ZNF697: variants seen among roughly 807,000 people sequenced by gnomAD.
The protein encoded by ZNF697 is zinc finger protein 697.
A neutral mutation model predicts 32.4 loss-of-function variants in ZNF697; 23 were observed. That is an observed-to-expected ratio of 0.71 (90% CI 0.51 to 1.01). The LOEUF (loss-of-function observed/expected upper bound fraction) is 1.01, where lower values mean the gene tolerates loss of function less well. Ranked by LOEUF, ZNF697 falls within the 50% of genes least tolerant of loss-of-function variation. The pLI, the probability that ZNF697 is intolerant of heterozygous loss-of-function variation, is 0.00. For synonymous variants in ZNF697, 418 were observed against 337.2 expected, an observed-to-expected ratio of 1.24 and a Z score of -2.62; for missense variants, 930 against 794.0, an observed-to-expected ratio of 1.17 and a Z score of -2.06.
At position 119,623,020 on chromosome 1, in the gene ZNF697, C is replaced by T; in HGVS notation, c.1323G>A (p.Glu441=). The change falls in exon 3 of 3, where the codon GAG becomes GAA. Residue 441 remains glutamate (E), a synonymous_variant. Transcript: ENST00000421812. ...AGTTACGCCCGAAGCCCTTCCCGCA[C>T]TCGCGGCACACGTAGGGCCGCTCAC... is the stretch of plus-strand genomic sequence containing the variant. ...HSGERPYVCR[E]CGKGFGRNSH... is the part of the protein sequence containing the mutation. The T allele has an allele frequency of 6.3e-7, 1 of 1,589,428 alleles. No individual in the cohort carries two copies. Among genetic ancestry groups the T allele is most frequent in the African/African-American group, 1.3e-5 (1 of 74,500 alleles).
intron 1 of ZNF697, among the ~76,000 whole-genome samples, chr1:119,631,916 G>A (rs1411740265): frequency 6.6e-6 from 1 of 152,192 alleles, no homozygotes; most frequent in Non-Finnish European, 1.5e-5. Flanking sequence ...CCAAGGGAGC[G>A]CTTCCATAGC....
rs1648378448 is a variant in ZNF697 at position 119,622,724 on chromosome 1, T to C, written c.1619A>G (p.Gln540Arg). ...CAGCCCCTAACACAGGTGCAGCTTC[T>C]GGTGCTGCGCGAGGTGCGTTTTATA... is the stretch of plus-strand genomic sequence containing the variant. ...FRYKTHLAQH[Q>R]KLHLC Residue 540 changes from glutamine (Q) to arginine (R), a missense_variant, in exon 3 of 3, where the codon CAG (glutamine) becomes CGG (arginine). Gln to Arg is a conservative substitution (Grantham distance 43). Coordinates refer to ENST00000421812, the MANE Select transcript of ZNF697 (RefSeq NM_001080470.2). 3 of 1,544,936 alleles carry C rather than the reference T, an allele frequency of 1.9e-6. No individual in the cohort carries two copies. Among genetic ancestry groups the C allele is most frequent in the Non-Finnish European group, 2.6e-6 (3 of 1,143,216 alleles).
intron 1 of ZNF697, among the ~76,000 whole-genome samples, chr1:119,636,782 T>C (rs1648934578): frequency 6.6e-6 from 1 of 152,230 alleles, no homozygotes; most frequent in Non-Finnish European, 1.5e-5. Flanking sequence ...CCCTTGCTAC[T>C]CAATCCAACA....
rs1270236299 is a variant in ZNF697, at chr1:119,620,131, T to C, written c.*2574A>G. 2.0e-5 allele frequency: 3 copies of C among 152,644 alleles called. No homozygotes were observed. Among genetic ancestry groups the C allele is most frequent in the South Asian group, 2.1e-4 (1 of 4,830 alleles). The allele number at this position is 152,644 out of a possible 1,614,324, so 9.5% of individuals were successfully genotyped here. A position where few individuals can be genotyped will look rare whatever the true frequency, so the allele number is the denominator to read the frequency against. On this transcript the variant is annotated 3_prime_UTR_variant, in exon 3 of 3. Transcript: ENST00000421812. ...CACCAATAGAGTCGGGTGTTGGTAG[T>C]TGGATTGTTTTCTTCTGCTAAGAAT...
chr1:119,626,590 C>T (rs940630771), intron 1 of ZNF697, among the ~76,000 whole-genome samples: 3 of 152,228 alleles, frequency 2.0e-5, no homozygotes, highest in Middle Eastern at 3.2e-3. Flanking sequence ...TAAGCTTGCT[C>T]GCCTCCAGCC....
At position 119,622,594 on chromosome 1, in the gene ZNF697, C is replaced by T. The variant is rs1032755007; in HGVS notation, c.*111G>A. The T allele has an allele frequency of 2.1e-6, 3 of 1,425,186 alleles. No individual in the cohort carries two copies. Among genetic ancestry groups the T allele is most frequent in the Non-Finnish European group, 2.7e-6 (3 of 1,092,726 alleles). 88.3% of individuals were successfully genotyped at this position (1,425,186 alleles called of 1,614,324 possible). A position where few individuals can be genotyped will look rare whatever the true frequency, so the allele number is the denominator to read the frequency against. ...CCCCAAACACCAAAGGCTCCCCAGT[C>T]ACTCTCAGATTGTCCCTCCCGCCCC... On this transcript the variant is annotated 3_prime_UTR_variant, in exon 3 of 3. Transcript: ENST00000421812.
intron 1 of ZNF697, among the ~76,000 whole-genome samples, chr1:119,634,379 A>G (rs587672131): frequency 1.3e-5 from 2 of 152,342 alleles, no homozygotes; most frequent in Admixed American, 1.3e-4. Flanking sequence ...GTTCCAGCCC[A>G]GTGCATTTCA....
chr1:119,623,012 T>G lies in ZNF697; in HGVS notation c.1331A>C (p.Lys444Thr). The G allele has an allele frequency of 6.3e-7, 1 of 1,590,588 alleles. No homozygotes were observed. The highest frequency in any genetic ancestry group is 8.6e-7 in the Non-Finnish European group (1 of 1,166,550). The stretch of plus-strand genomic sequence containing the variant: ...CAGGTGCGAGTTACGCCCGAAGCCC[T>G]TCCCGCACTCGCGGCACACGTAGGG... ...ERPYVCRECG[K>T]GFGRNSHLVN... The change falls in exon 3 of 3, where the codon AAG (lysine) becomes ACG (threonine). Residue 444 changes from lysine (K) to threonine (T), a missense_variant. By Grantham distance (78) the Lys-to-Thr change is moderately conservative. Transcript: ENST00000421812.
chr1:119,631,181 G>A (rs1041179616), intron 1 of ZNF697, among the ~76,000 whole-genome samples: 2 of 152,198 alleles, frequency 1.3e-5, no homozygotes, highest in African/African-American at 2.4e-5. Flanking sequence ...AAGCAGGGGC[G>A]CAGCTGCCGC....
At chr1:119,642,061 G>A (rs756346798) in intron 1 of ZNF697, among the ~76,000 whole-genome samples, 7 of 152,140 alleles carry the variant, frequency 4.6e-5, no homozygotes, top group South Asian at 2.1e-4. Flanking sequence ...CTATCAAGGC[G>A]TGAAAAAACA....
intron 1 of ZNF697, among the ~76,000 whole-genome samples, chr1:119,631,478 C>A (rs1648767193): frequency 6.6e-6 from 1 of 152,242 alleles, no homozygotes; most frequent in Non-Finnish European, 1.5e-5. Flanking sequence ...TGGCCAAGCG[C>A]GTTAGGACTG....
chr1:119,630,224 G>T (rs1374539739), intron 1 of ZNF697, among the ~76,000 whole-genome samples: 3 of 152,354 alleles, frequency 2.0e-5, no homozygotes, highest in Admixed American at 1.3e-4. Context: ...TCCATGAGAA[G>T]GTTGGGTTTG....
At chr1:119,644,868 C>A (rs112363867) in intron 1 of ZNF697, among the ~76,000 whole-genome samples, 188 of 152,288 alleles carry the variant, frequency 1.2e-3, no homozygotes, top group African/African-American at 3.4e-3. Flanking sequence ...ACATTTTAAT[C>A]CTCATAGATT....
intron 1 of ZNF697, among the ~76,000 whole-genome samples, chr1:119,635,404 C>T (rs1648893839): frequency 6.6e-6 from 1 of 152,176 alleles, no homozygotes; most frequent in African/African-American, 2.4e-5. Flanking sequence ...AAAGGAATAG[C>T]TGTTATGTTC....
rs587608239 is a variant in ZNF697, at chr1:119,624,961, C to T, written c.227-845G>A. Among the ~76,000 whole-genome samples, 3 of 123,828 alleles carry T rather than the reference C, an allele frequency of 2.4e-5. No homozygotes were observed. In the South Asian group the frequency reaches 7.6e-4, roughly 31 times the overall value. The allele number at this position is 123,828 out of a possible 152,430, so 81.2% of individuals were successfully genotyped here. A position where few individuals can be genotyped will look rare whatever the true frequency, so the allele number is the denominator to read the frequency against. On this transcript the variant is annotated intron_variant, in intron 2 of 2. Coordinates refer to ENST00000421812, the MANE Select transcript of ZNF697 (RefSeq NM_001080470.2). ...ATGATGGAACAAAAAACTGAACTCA[C>T]CTTCAGGACTTTGCTATGGGTGGGG...
At chr1:119,642,875 T>TTAA (rs755180188) in intron 1 of ZNF697, among the ~76,000 whole-genome samples, 1 of 129,644 alleles carries the variant, frequency 7.7e-6, no homozygotes, top group African/African-American at 3.0e-5. Flanking sequence ...TGCCTGAAGA[T>TTAA]TTTCAAAACT....
chr1:119,623,140 G>C lies in ZNF697; in HGVS notation c.1203C>G (p.Arg401=). 6 of 1,590,236 alleles carry C rather than the reference G, an allele frequency of 3.8e-6. No individual in the cohort carries two copies. Among genetic ancestry groups the C allele is most frequent in the Non-Finnish European group, 5.1e-6 (6 of 1,168,758 alleles). ...TGTAGGGCTTCTCGCCCGTGTGCAC[G>C]CGCTGGTGCTTCACCAAGTCCGAGC... ...SWRSDLVKHQ[R]VHTGEKPYMC... is the part of the protein sequence containing the mutation. The change falls in exon 3 of 3, where the codon CGC becomes CGG. Residue 401 remains arginine (R), a synonymous_variant. Transcript: ENST00000421812.
In ZNF697 at chr1:119,623,599, G is replaced by T. The variant is rs1220988291; in HGVS notation, c.744C>A (p.Ala248=). 1.1e-5 allele frequency: 16 copies of T among 1,429,570 alleles called. No individual in the cohort carries two copies. Among genetic ancestry groups the T allele is most frequent in the East Asian group, 8.4e-5 (3 of 35,798 alleles). 88.6% of individuals were successfully genotyped at this position (1,429,570 alleles called of 1,614,324 possible). The change falls in exon 3 of 3, where the codon GCC becomes GCA. Residue 248 remains alanine, a synonymous_variant. Transcript: ENST00000421812. The part of the protein sequence containing the change: ...MGVGVAGGFG[A]GPPLARPPRE... Reference sequence around the variant, plus strand: ...GCGGGGGCCGGGCCAGCGGGGGCCCGGCCCCGAAGCCCCCCGCCACACCCA... The same window carrying T: ...GCGGGGGCCGGGCCAGCGGGGGCCCTGCCCCGAAGCCCCCCGCCACACCCA...
chr1:119,623,320 C>G lies in ZNF697; in HGVS notation c.1023G>C (p.Ala341=), dbSNP rs1648424755. Residue 341 remains alanine, a synonymous_variant, in exon 3 of 3, where the codon GCG becomes GCC. Coordinates refer to ENST00000421812, the MANE Select transcript of ZNF697 (RefSeq NM_001080470.2). ...HLLSHRRAHA[A]ASGAGAAALR... is the part of the protein sequence containing the mutation. ...GCGCCGCCGCCCCCGCGCCGCTGGC[C>G]GCCGCGTGCGCGCGCCGGTGGCTCA... is the stretch of plus-strand genomic sequence containing the variant. The G allele has an allele frequency of 7.7e-7, 1 of 1,299,662 alleles. No individual in the cohort carries two copies. 80.5% of individuals were successfully genotyped at this position (1,299,662 alleles called of 1,614,324 possible).
Sources: gnomAD v4.1 joint callset for allele counts (sites outside exome capture counted in the v4.1 genomes callset) on GRCh38, gnomAD v4.1.1 for gene constraint, MANE v1.5 for transcripts, NCBI Gene and HGNC (gene_info 2026-07-23, HGNC 2026-07-21) for gene names.